NFIA: variants seen among roughly 807,000 people sequenced by gnomAD.
The protein encoded by NFIA is nuclear factor I A.
Under a neutral mutation model 62.8 loss-of-function variants are expected in NFIA, and 8 were observed. That is an observed-to-expected ratio of 0.13 (90% CI 0.07 to 0.23). The LOEUF (loss-of-function observed/expected upper bound fraction) is 0.23. Among genes scored for constraint, NFIA ranks in the 10% least tolerant of loss-of-function variants. NFIA has a pLI of 1.00. For synonymous variants in NFIA, 235 were observed against 238.1 expected (o/e 0.99, Z 0.12); for missense variants, 410 against 642.1 (o/e 0.64, Z 3.91).
intron 2 of NFIA, among the ~76,000 whole-genome samples, chr1:61,179,576 C>CTA (rs1650614500): frequency 6.6e-6 from 1 of 152,170 alleles, no homozygotes; most frequent in African/African-American, 2.4e-5. Context: ...TGGTGGAGTA[C>CTA]TAGGTGCTAG....
At chr1:61,366,512 G>T (rs990991752) in intron 6 of NFIA, among the ~76,000 whole-genome samples, 61 of 152,280 alleles carry the variant, frequency 4.0e-4, no homozygotes, top group African/African-American at 1.4e-3. Context: ...AAACAGTTTA[G>T]TGAAAGTTTT....
At chr1:61,220,339 C>T (rs1396462590) in intron 2 of NFIA, among the ~76,000 whole-genome samples, 2 of 152,284 alleles carry the variant, frequency 1.3e-5, no homozygotes, top group East Asian at 3.9e-4. Flanking sequence ...GCCATCCCCT[C>T]CATTTGTGGG....
intron 1 of NFIA, among the ~76,000 whole-genome samples, chr1:61,086,773 T>C (rs1388131368): frequency 1.3e-5 from 2 of 152,174 alleles, no homozygotes; most frequent in Non-Finnish European, 2.9e-5. Context: ...CATTTAAAAA[T>C]TTAGTAATTG....
chr1:61,100,411 T>A (rs1239591074), intron 2 of NFIA, among the ~76,000 whole-genome samples: 1 of 152,162 alleles, frequency 6.6e-6, no homozygotes, highest in African/African-American at 2.4e-5. Context: ...CCAGCACTAA[T>A]CTTAGGCACT....
chr1:61,082,990 G>GCCCGCGGGT (rs900605125), intron 1 of NFIA, among the ~76,000 whole-genome samples, 172 bp downstream of exon 1: 1 of 118,978 alleles, frequency 8.4e-6, no homozygotes, highest in Non-Finnish European at 1.7e-5. Context: ...GCCCGCGGGT[G>GCCCGCGGGT]GGGGGGGGGA....
At chr1:61,365,774 C>T (rs1481926242) in intron 6 of NFIA, among the ~76,000 whole-genome samples, 1 of 152,186 alleles carries the variant, frequency 6.6e-6, no homozygotes, top group Non-Finnish European at 1.5e-5. Context: ...CCTTCTGCTC[C>T]ATCTCTGTCA....
chr1:61,426,952 C>T (rs1666896946), intron 10 of NFIA, among the ~76,000 whole-genome samples: 1 of 152,152 alleles, frequency 6.6e-6, no homozygotes, highest in Non-Finnish European at 1.5e-5. Flanking sequence ...CCAGCCACTC[C>T]TCTGTATTCA....
chr1:61,441,285 G>A (rs892093891), intron 10 of NFIA, among the ~76,000 whole-genome samples: 1 of 143,052 alleles, frequency 7.0e-6, no homozygotes, highest in East Asian at 2.1e-4. Flanking sequence ...ATAGACTGCC[G>A]TGCAGGGGTG....
At chr1:61,181,058 T>TA (rs1468696852) in intron 2 of NFIA, among the ~76,000 whole-genome samples, 1 of 152,178 alleles carries the variant, frequency 6.6e-6, no homozygotes, top group African/African-American at 2.4e-5. Context: ...TGGAAAAAAA[T>TA]ACAGTGCTTG....
intron 2 of NFIA, among the ~76,000 whole-genome samples, chr1:61,209,056 G>T (rs1194258122): frequency 6.6e-6 from 1 of 151,986 alleles, no homozygotes; most frequent in Non-Finnish European, 1.5e-5. Context: ...GAGTAGCCCT[G>T]GGCAAAGGAC....
intron 4 of NFIA, 57 bp downstream of exon 4, chr1:61,332,643 C>A: frequency 6.8e-7 from 1 of 1,463,812 alleles, no homozygotes; most frequent in South Asian, 1.2e-5. Flanking sequence ...TGCTTACTTT[C>A]TGCCTAGGAC....
chr1:61,271,735 C>T (rs1483295787), intron 2 of NFIA, among the ~76,000 whole-genome samples: 2 of 152,228 alleles, frequency 1.3e-5, no homozygotes, highest in African/African-American at 4.8e-5. Context: ...AGCTCCCCAT[C>T]TCCCTTCGAT....
chr1:61,081,889 A>T (rs565542543), upstream of NFIA: 28 of 1,544,960 alleles, frequency 1.8e-5, 1 homozygote, highest in South Asian at 3.2e-4. Flanking sequence ...ACCGCATTTC[A>T]GTGGGGGAAA....
chr1:61,451,507 T>C (rs1016994860), intron 10 of NFIA, among the ~76,000 whole-genome samples: 1 of 152,180 alleles, frequency 6.6e-6, no homozygotes, highest in Admixed American at 6.5e-5. Context: ...CAGATTTCTT[T>C]TGATGTTTCA....
chr1:61,221,161 T>C (rs1653992074), intron 2 of NFIA, among the ~76,000 whole-genome samples: 2 of 152,242 alleles, frequency 1.3e-5, no homozygotes, highest in Admixed American at 6.5e-5. Flanking sequence ...TATAATGTTG[T>C]GTTCAAATAA....
chr1:61,415,010 T>C (rs553411403), intron 9 of NFIA, among the ~76,000 whole-genome samples: 108 of 152,280 alleles, frequency 7.1e-4, no homozygotes, highest in African/African-American at 2.6e-3. Context: ...TATTTTACTT[T>C]GCTTGATTTC....
Position 61,102,663 on chromosome 1 carries a change from G to A in NFIA, c.559+13983G>A, listed in dbSNP as rs57117558. ...ATACTATATATTTTTAAATATTTCA[G>A]GTTAGAATTATGAGTCTGCAGTATT... On this transcript the variant is annotated intron_variant, in intron 2 of 10. Coordinates refer to ENST00000403491, the MANE Select transcript of NFIA (RefSeq NM_001134673.4). Among the ~76,000 whole-genome samples the A allele has an allele frequency of 6.4e-3, 978 of 152,100 alleles. 17 individuals carry two copies. The highest frequency in any genetic ancestry group is 0.022 in the African/African-American group (898 of 41,486).
At chr1:61,326,875 C>T (rs1037503886) in intron 3 of NFIA, among the ~76,000 whole-genome samples, 2 of 151,742 alleles carry the variant, frequency 1.3e-5, no homozygotes, top group East Asian at 1.9e-4. Flanking sequence ...AGCAGTGCAA[C>T]GAGGAGCTTG....
chr1:61,104,536 A>C (rs961440404), intron 2 of NFIA, among the ~76,000 whole-genome samples: 2 of 152,070 alleles, frequency 1.3e-5, no homozygotes, highest in Non-Finnish European at 2.9e-5. Context: ...ATTGTAGGTA[A>C]CATAAGCCTC....
Sources: allele counts gnomAD v4.1 joint callset (sites outside exome capture counted in the v4.1 genomes callset), GRCh38; gene constraint gnomAD v4.1.1; transcripts MANE v1.5; gene names NCBI Gene and HGNC (gene_info 2026-07-23, HGNC 2026-07-21).